CCSER1: variants seen among roughly 807,000 people sequenced by gnomAD.
The protein encoded by CCSER1 is coiled-coil serine rich protein 1.
In CCSER1, 41 loss-of-function variants were observed where a neutral mutation model predicts 82.0. The observed-to-expected ratio is 0.50, with a 90% confidence interval of 0.39 to 0.65. The LOEUF (loss-of-function observed/expected upper bound fraction) is 0.65, where lower values mean the gene tolerates loss of function less well. CCSER1 is among the 30% of genes least tolerant of loss of function. CCSER1 has a pLI of 0.00. For missense variants in CCSER1, 1,119 were observed against 1,064.2 expected, an observed-to-expected ratio of 1.05 and a Z score of -0.72; for synonymous variants, 414 against 383.9, an observed-to-expected ratio of 1.08 and a Z score of -0.92.
intron 10 of CCSER1, among the ~76,000 whole-genome samples, chr4:91,336,756 A>T (rs981304772): frequency 6.6e-6 from 1 of 152,078 alleles, no homozygotes; most frequent in Non-Finnish European, 1.5e-5. Flanking sequence ...TAACAAAAAC[A>T]TTACTTTTAT....
intron 8 of CCSER1, among the ~76,000 whole-genome samples, chr4:90,921,405 C>G (rs1474578188): frequency 6.6e-6 from 1 of 151,984 alleles, no homozygotes; most frequent in Non-Finnish European, 1.5e-5. Flanking sequence ...AATTCAAACA[C>G]ATCATTTGTT....
chr4:90,828,599 A>G (rs1268909006), intron 8 of CCSER1, among the ~76,000 whole-genome samples: 2 of 152,190 alleles, frequency 1.3e-5, no homozygotes, highest in African/African-American at 4.8e-5. Context: ...TCTGTAAGGA[A>G]TAAAAAGGAG....
chr4:91,166,010 G>A (rs193225037), intron 10 of CCSER1, among the ~76,000 whole-genome samples: 14 of 152,292 alleles, frequency 9.2e-5, no homozygotes, highest in South Asian at 6.2e-4. Context: ...CGTTTTCTGC[G>A]TTGATCACGC....
intron 10 of CCSER1, among the ~76,000 whole-genome samples, chr4:91,336,086 A>G (rs558551755): frequency 1.3e-5 from 2 of 152,262 alleles, no homozygotes; most frequent in East Asian, 1.9e-4. Context: ...ATATGTACAT[A>G]GTAAGAGGAA....
intron 3 of CCSER1, among the ~76,000 whole-genome samples, chr4:90,337,398 T>C (rs1265036739): frequency 6.6e-6 from 1 of 152,144 alleles, no homozygotes; most frequent in African/African-American, 2.4e-5. Context: ...AGGGATTTAG[T>C]TGAGAGCAGA....
At chr4:90,408,332 C>T (rs1300324927) in intron 4 of CCSER1, among the ~76,000 whole-genome samples, 1 of 152,238 alleles carries the variant, frequency 6.6e-6, no homozygotes, top group Non-Finnish European at 1.5e-5. Context: ...GGCAGACTGC[C>T]TCCTCAAGTG....
intron 6 of CCSER1, among the ~76,000 whole-genome samples, chr4:90,710,789 C>T (rs1444482071): frequency 6.6e-6 from 1 of 151,988 alleles, no homozygotes; most frequent in Non-Finnish European, 1.5e-5. Context: ...GTTCTTTTTG[C>T]TTAGGATTGT....
chr4:91,598,771 C>T lies in CCSER1; in HGVS notation c.2417C>T (p.Ser806Leu), dbSNP rs1764701175. The T allele has an allele frequency of 6.4e-7, 1 of 1,551,486 alleles. No individual in the cohort carries two copies. Residue 806 changes from serine (S) to leucine (L), a missense_variant, in exon 11 of 11, where the codon TCA (serine) becomes TTA (leucine). Physicochemically the swap from Ser to Leu is moderately radical, Grantham distance 145. Coordinates refer to ENST00000509176, the MANE Select transcript of CCSER1 (RefSeq NM_001145065.2). ...DKELAEVIKH[S>L]RGTYETLTSD... ...GAACTAGCAGAAGTTATCAAACATT[C>T]AAGAGGAACTTATGAAACCCTCACT...
At chr4:90,644,022 T>C (rs1049733103) in intron 6 of CCSER1, among the ~76,000 whole-genome samples, 2 of 152,156 alleles carry the variant, frequency 1.3e-5, no homozygotes, top group Admixed American at 1.3e-4. Flanking sequence ...TGGTCCTTGA[T>C]TTTAGTATCC....
chr4:90,682,440 A>G (rs1394587905), intron 6 of CCSER1, among the ~76,000 whole-genome samples: 1 of 152,024 alleles, frequency 6.6e-6, no homozygotes, highest in African/African-American at 2.4e-5. Context: ...TTAATATTTT[A>G]TAGATTTATT....
chr4:90,838,539 A>G (rs1454750808), intron 8 of CCSER1, among the ~76,000 whole-genome samples: 1 of 149,460 alleles, frequency 6.7e-6, no homozygotes, highest in Non-Finnish European at 1.5e-5. Context: ...TGTGCATTCC[A>G]ATAATTAAAA....
chr4:90,830,798 T>C (rs980943859), intron 8 of CCSER1, among the ~76,000 whole-genome samples: 3 of 152,144 alleles, frequency 2.0e-5, no homozygotes, highest in Non-Finnish European at 4.4e-5. Context: ...CCTTGGACTA[T>C]GAACAAACAA....
intron 3 of CCSER1, among the ~76,000 whole-genome samples, chr4:90,368,366 T>C (rs1578141610): frequency 6.6e-6 from 1 of 151,940 alleles, no homozygotes; most frequent in Non-Finnish European, 1.5e-5. Context: ...CTTGGCATGG[T>C]GGCTCATGCC....
intron 8 of CCSER1, among the ~76,000 whole-genome samples, chr4:90,851,052 C>T (rs1488404715): frequency 6.6e-6 from 1 of 152,178 alleles, no homozygotes; most frequent in Non-Finnish European, 1.5e-5. Flanking sequence ...GGGGCTTCCC[C>T]CTTCACTCCA....
chr4:90,961,368 G>A (rs1235687014), intron 9 of CCSER1, among the ~76,000 whole-genome samples: 1 of 152,008 alleles, frequency 6.6e-6, no homozygotes, highest in Non-Finnish European at 1.5e-5. Flanking sequence ...TCAATTCAAG[G>A]ACCAAAAATG....
intron 5 of CCSER1, among the ~76,000 whole-genome samples, chr4:90,625,389 C>A (rs1236457477): frequency 1.3e-5 from 2 of 152,144 alleles, no homozygotes; most frequent in African/African-American, 4.8e-5. Context: ...ACCAACCAAT[C>A]AGAAAGACAA....
At chr4:91,018,751 C>G (rs984869288) in intron 9 of CCSER1, among the ~76,000 whole-genome samples, 6 of 151,866 alleles carry the variant, frequency 4.0e-5, no homozygotes, top group African/African-American at 1.5e-4. Flanking sequence ...TGATATATTA[C>G]TTCCTAATCT....
intron 6 of CCSER1, among the ~76,000 whole-genome samples, chr4:90,629,199 A>T (rs887023607): frequency 6.6e-6 from 1 of 152,178 alleles, no homozygotes; most frequent in African/African-American, 2.4e-5. Context: ...TTGAATCAGG[A>T]AGAAAAAAGG....
At chr4:91,036,235 A>G (rs1012402156) in intron 9 of CCSER1, among the ~76,000 whole-genome samples, 1 of 152,232 alleles carries the variant, frequency 6.6e-6, no homozygotes, top group Admixed American at 6.5e-5. Context: ...TGTTCATAAC[A>G]AACTTACTTG....
Sources: gnomAD v4.1 joint callset for allele counts (sites outside exome capture counted in the v4.1 genomes callset) on GRCh38, gnomAD v4.1.1 for gene constraint, MANE v1.5 for transcripts, NCBI Gene and HGNC (gene_info 2026-07-23, HGNC 2026-07-21) for gene names.